The following KLRG1 variants were observed in gnomAD, a reference collection of about 807,000 sequenced individuals.
The protein encoded by KLRG1 is killer cell lectin-like receptor subfamily G member 1.
KLRG1 carries 16 observed loss-of-function variants against 21.8 expected under a neutral mutation model. That is an observed-to-expected ratio of 0.73 (90% CI 0.50 to 1.11). The LOEUF (loss-of-function observed/expected upper bound fraction) is 1.11, where lower values mean the gene tolerates loss of function less well. Among genes scored for constraint, KLRG1 ranks in the 50% most tolerant of loss-of-function variants. The pLI is 0.00. For missense variants in KLRG1, 173 were observed against 218.3 expected, an observed-to-expected ratio of 0.79 and a Z score of 1.31; for synonymous variants, 69 against 75.9, an observed-to-expected ratio of 0.91 and a Z score of 0.47.
At chr12:9,203,967 G>C in the KLRG1 span, 4 of 1,589,442 alleles carry the variant, frequency 2.5e-6, no homozygotes. Context: ...AAAGGAAGAA[G>C]TCTAAATTAG....
At chr12:9,069,126 AT>A in the KLRG1 span, 1 of 233,880 alleles carries the variant, frequency 4.3e-6, no homozygotes, top group Non-Finnish European at 8.2e-6. Context: ...AACTGTGTTC[AT>A]TTTTTAATAT....
the KLRG1 span, chr12:9,074,797 A>G: frequency 6.3e-7 from 1 of 1,593,554 alleles, no homozygotes; most frequent in East Asian, 2.3e-5. Flanking sequence ...AAAGATGAGA[A>G]AAAGATATTT....
chr12:9,067,934 G>A, the KLRG1 span: 1 of 1,233,376 alleles, frequency 8.1e-7, no homozygotes, highest in South Asian at 1.3e-5. Context: ...TAGTGCCCAA[G>A]GAAACCTAAT....
chr12:9,072,604 A>C, the KLRG1 span: 2 of 1,602,920 alleles, frequency 1.2e-6, no homozygotes, highest in East Asian at 4.5e-5. Context: ...CTCAGAGAGA[A>C]CAGCTGCTGT....
At chr12:9,043,365 A>C in the KLRG1 span, among the ~76,000 whole-genome samples, 3 of 152,218 alleles carry the variant, frequency 2.0e-5, no homozygotes, top group African/African-American at 7.2e-5. Flanking sequence ...GGCATAAGCC[A>C]CCACATCCGG....
chr12:9,002,271 A>T (rs1947327815), intron 3 of KLRG1, among the ~76,000 whole-genome samples: 1 of 152,160 alleles, frequency 6.6e-6, no homozygotes, highest in Non-Finnish European at 1.5e-5. Flanking sequence ...TTTAATTTGG[A>T]AGTTTAAGGG....
At chr12:9,181,939 A>G in the KLRG1 span, 1 of 1,603,724 alleles carries the variant, frequency 6.2e-7, no homozygotes, top group Non-Finnish European at 8.5e-7. Flanking sequence ...AGTATCATTT[A>G]TTTGTGTTCT....
At chr12:9,006,948 A>G (rs915522191) in intron 3 of KLRG1, among the ~76,000 whole-genome samples, 16 of 152,264 alleles carry the variant, frequency 1.1e-4, no homozygotes, top group African/African-American at 3.6e-4. Context: ...AATGAACGCA[A>G]AGGGATTTTG....
chr12:9,185,182 C>T, the KLRG1 span, among the ~76,000 whole-genome samples: 74 of 152,232 alleles, frequency 4.9e-4, no homozygotes, highest in African/African-American at 1.7e-3. Flanking sequence ...CTAAGAATCA[C>T]AATAAAATGA....
the KLRG1 span, among the ~76,000 whole-genome samples, chr12:9,083,386 T>TAAA: frequency 3.5e-5 from 5 of 141,448 alleles, no homozygotes; most frequent in African/African-American, 1.3e-4. Flanking sequence ...ACTTAAAGTA[T>TAAA]AAAAAAAAAA....
At chr12:9,148,882 G>C in the KLRG1 span, 14 of 1,121,392 alleles carry the variant, frequency 1.2e-5, no homozygotes, top group Admixed American at 2.1e-5. Flanking sequence ...AATATTTTTA[G>C]TGTCTATTTT....
chr12:8,962,597 T>C (rs1010367569), intron 1 of KLRG1, among the ~76,000 whole-genome samples: 3 of 151,324 alleles, frequency 2.0e-5, no homozygotes, highest in African/African-American at 4.9e-5. Context: ...ACACCTATAG[T>C]CCCAGCTACT....
At chr12:8,999,388 C>G (rs1162878244) in intron 3 of KLRG1, among the ~76,000 whole-genome samples, 2 of 152,190 alleles carry the variant, frequency 1.3e-5, no homozygotes, top group Non-Finnish European at 2.9e-5. Context: ...TATCTCTCTT[C>G]CTCATTATCA....
chr12:9,004,941 A>C lies in KLRG1; in HGVS notation c.358-4034A>C, dbSNP rs1947424442. ...TAACATTTTTTTAAATTGGCACATA[A>C]TAATTATATATATAGGGTATTTATC... On this transcript the variant is annotated intron_variant, in intron 3 of 4. Coordinates refer to ENST00000356986, the MANE Select transcript of KLRG1 (RefSeq NM_005810.4). 2.0e-5 allele frequency among the ~76,000 whole-genome samples: 3 copies of C among 152,194 alleles called. No individual in the cohort carries two copies. The South Asian group carries it at 6.2e-4, about 32-fold the overall frequency.
At chr12:9,162,535 A>T in the KLRG1 span, 1 of 1,158,300 alleles carries the variant, frequency 8.6e-7, no homozygotes, top group Admixed American at 2.1e-5. Flanking sequence ...GTGCATTGTA[A>T]CTTGAGGTTT....
chr12:8,952,194 G>T (rs1245509664), intron 1 of KLRG1, among the ~76,000 whole-genome samples: 1 of 152,154 alleles, frequency 6.6e-6, no homozygotes, highest in African/African-American at 2.4e-5. Flanking sequence ...AAGGTAAATT[G>T]TTCACCTTGT....
intron 3 of KLRG1, among the ~76,000 whole-genome samples, chr12:9,002,977 T>C (rs1947351683): frequency 6.6e-6 from 1 of 150,968 alleles, no homozygotes; most frequent in Admixed American, 6.6e-5. Flanking sequence ...ATAAGGTTAT[T>C]GTACTATGGT....
chr12:9,095,977 T>C, the KLRG1 span, among the ~76,000 whole-genome samples: 16,144 of 151,328 alleles, frequency 0.11, 935 homozygotes, highest in Middle Eastern at 0.16. Flanking sequence ...GCCAGGATGG[T>C]CTCGATCTCC....
At chr12:9,181,150 A>C in the KLRG1 span, 26 of 1,613,948 alleles carry the variant, frequency 1.6e-5, no homozygotes, top group African/African-American at 2.7e-4. Context: ...AAATGAAGGA[A>C]ACGTCAACCA....
Sources: allele counts gnomAD v4.1 joint callset (sites outside exome capture counted in the v4.1 genomes callset), GRCh38; gene constraint gnomAD v4.1.1; transcripts MANE v1.5; gene names NCBI Gene and HGNC (gene_info 2026-07-23, HGNC 2026-07-21).